CHTF18: variants seen among roughly 807,000 people sequenced by gnomAD.
The protein encoded by CHTF18 is chromosome transmission fidelity factor 18.
In CHTF18, 151 loss-of-function variants were observed where a neutral mutation model predicts 113.4. The ratio of observed to expected loss-of-function variants is 1.33; its 90% CI spans 1.17 to 1.52. CHTF18 has a LOEUF of 1.52. CHTF18 is among the 40% of genes most tolerant of loss of function. CHTF18 has a pLI of 0.00. For synonymous variants in CHTF18, 916 were observed against 598.8 expected, an observed-to-expected ratio of 1.53 and a Z score of -7.74; for missense variants, 1,982 against 1,381.6, an observed-to-expected ratio of 1.43 and a Z score of -6.89.
chr16:791,928 T>A lies in CHTF18; in HGVS notation c.1182T>A (p.Ser394=), dbSNP rs200430602. 2.1e-3 allele frequency: 3,377 copies of A among 1,609,370 alleles called. 6 individuals are homozygous for A. The highest frequency in any genetic ancestry group is 2.5e-3 in the Non-Finnish European group (2,994 of 1,178,526). ...AHVIARHAGY[S]VVEMNASDDR... is the part of the protein sequence containing the mutation. ...TGATTGCGCGTCACGCGGGGTACTC[T>A]GTGGTGGAGATGAACGCCAGGTGAG... is the stretch of plus-strand genomic sequence containing the variant. The change falls in exon 9 of 22, where the codon TCT becomes TCA. Residue 394 remains serine (S), a synonymous_variant. Coordinates refer to ENST00000262315, the MANE Select transcript of CHTF18 (RefSeq NM_022092.3).
At position 795,122 on chromosome 16, in the gene CHTF18, C is replaced by T. The variant is rs757351292; in HGVS notation, c.1951-10C>T. The T allele has an allele frequency of 7.5e-5, 116 of 1,537,984 alleles. No individual in the cohort carries two copies. The highest frequency in any genetic ancestry group is 1.4e-4 in the Admixed American group (7 of 50,716). On this transcript the variant is annotated splice_polypyrimidine_tract_variant and intron_variant, in intron 15 of 21. Transcript: ENST00000262315. Reference sequence around the variant, plus strand: ...TGGGCAGGAGCTCAGGGGTTGCCGGCCGCCTGCAGGGCTTGTTTGACAACT... The same window carrying T: ...TGGGCAGGAGCTCAGGGGTTGCCGGTCGCCTGCAGGGCTTGTTTGACAACT...
intron 11 of CHTF18, 27 bp from the exon 12 acceptor site, chr16:792,691 G>C (rs114568403): frequency 6.3e-7 from 1 of 1,578,388 alleles, no homozygotes. Context: ...CAACCCTGGG[G>C]TCCCTGGCCC....
Position 790,265 on chromosome 16 carries a change from G to C in CHTF18, c.695G>C (p.Gly232Ala), listed in dbSNP as rs1484994944. The C allele has an allele frequency of 1.7e-5, 27 of 1,607,274 alleles. No homozygotes were observed. The highest frequency in any genetic ancestry group is 2.3e-5 in the Non-Finnish European group (27 of 1,177,838). The change falls in exon 5 of 22, where the codon GGC becomes GCC. Residue 232 changes from glycine (G) to alanine (A), a missense_variant. Physicochemically the swap from Gly to Ala is moderately conservative, Grantham distance 60 (BLOSUM62 0). Transcript: ENST00000262315. ...SLASLKKQVDGERRERLLQEA... is the reference protein window; with the variant it reads ...SLASLKKQVDAERRERLLQEA... Reference sequence around the variant, plus strand: ...GCCTCCCTGAAGAAGCAGGTCGACGGCGAGGTAGGGGCTGCGGGTTTGCTG... The same window carrying C: ...GCCTCCCTGAAGAAGCAGGTCGACGCCGAGGTAGGGGCTGCGGGTTTGCTG...
Position 791,146 on chromosome 16 carries a change from C to A in CHTF18, c.895-15C>A. ...GTGCCCTCAGGCTGTGCTTCCCTTC[C>A]CGTCCTTCCCGCAGTTCACCAACCG... On this transcript the variant is annotated splice_polypyrimidine_tract_variant and intron_variant, in intron 7 of 21. Transcript: ENST00000262315. 2 of 1,603,722 alleles carry A rather than the reference C, an allele frequency of 1.2e-6. No homozygotes were observed. Among genetic ancestry groups the A allele is most frequent in the Non-Finnish European group, 8.5e-7 (1 of 1,176,200 alleles).
In CHTF18 at chr16:788,765, A is replaced by G; in HGVS notation, c.81A>G (p.Ala27=). 6.3e-7 allele frequency: 1 copy of G among 1,597,616 alleles called. No individual in the cohort carries two copies. Among genetic ancestry groups the G allele is most frequent in the Non-Finnish European group, 8.5e-7 (1 of 1,173,412 alleles). The change falls in exon 1 of 22, where the codon GCA becomes GCG. Residue 27 remains alanine (A), a synonymous_variant. Transcript: ENST00000262315. ...TCGCGGCCGAGCTGGAGGTGCTGGC[A>G]GAGCTGGAAGGTGGGGCGCGGCCCC... ...NQFAAELEVL[A]ELEGASTPSP... is the part of the protein sequence containing the mutation.
chr16:796,163 C>T (rs1012135581), intron 18 of CHTF18, 86 bp downstream of exon 18: 2 of 1,510,684 alleles, frequency 1.3e-6, no homozygotes, highest in Admixed American at 2.0e-5. Flanking sequence ...GGCCAGGAGT[C>T]TGAAAGCACG....
intron 7 of CHTF18, 112 bp from the exon 8 acceptor site, chr16:791,049 T>G: frequency 1.3e-6 from 2 of 1,492,954 alleles, no homozygotes; most frequent in Non-Finnish European, 1.8e-6. Context: ...GGGTGGCCAT[T>G]CATCCTGTGG....
chr16:791,697 G>T, intron 8 of CHTF18, 154 bp from the exon 9 acceptor site: 1 of 1,433,032 alleles, frequency 7.0e-7, no homozygotes, highest in Non-Finnish European at 9.1e-7. Context: ...CCATCTTGGT[G>T]TGTGAAAGTG....
rs764526584 is a variant in CHTF18, at chr16:790,358, G to T, written c.711G>T (p.Arg237=). 1.9e-5 allele frequency: 31 copies of T among 1,611,234 alleles called. No individual in the cohort carries two copies. Among genetic ancestry groups the T allele is most frequent in the Non-Finnish European group, 2.5e-5 (29 of 1,179,436 alleles). ...TGTTGTTTGCACAGCGGCGGGAGCG[G>T]CTGCTTCAGGAGGCCCAGAAGCTTT... The part of the protein sequence containing the change: ...KKQVDGERRE[R]LLQEAQKLSD... The change falls in exon 6 of 22, where the codon CGG becomes CGT. Residue 237 remains arginine, a synonymous_variant. Transcript: ENST00000262315.
intron 7 of CHTF18, chr16:790,902 C>A (rs1354621103): frequency 1.5e-5 from 21 of 1,432,394 alleles, no homozygotes; most frequent in Middle Eastern, 2.6e-4. Context: ...AGTCTCTGTT[C>A]CCTTTCCTAC....
chr16:790,248 G>A lies in CHTF18; in HGVS notation c.678G>A (p.Leu226=), dbSNP rs1413060820. Residue 226 remains leucine (L), a synonymous_variant, in exon 5 of 22, where the codon CTG becomes CTA. Transcript: ENST00000262315. ...LDLLGVSLAS[L]KKQVDGERRE... is the part of the protein sequence containing the mutation. Reference sequence around the variant, plus strand: ...TGCTGGGTGTGTCCTTAGCCTCCCTGAAGAAGCAGGTCGACGGCGAGGTAG... The same window carrying A: ...TGCTGGGTGTGTCCTTAGCCTCCCTAAAGAAGCAGGTCGACGGCGAGGTAG... The A allele has an allele frequency of 1.2e-6, 2 of 1,606,846 alleles. No individual in the cohort carries two copies. The highest frequency in any genetic ancestry group is 1.7e-5 in the Admixed American group (1 of 59,212).
At position 789,249 on chromosome 16, in the gene CHTF18, G is replaced by T. The variant is rs1192528202; in HGVS notation, c.326G>T (p.Arg109Met). Residue 109 changes from arginine to methionine, a missense_variant, in exon 3 of 22, where the codon AGG (arginine) becomes ATG (methionine). Arg to Met is a moderately conservative substitution (Grantham distance 91). Transcript: ENST00000262315. ...IKRPRLQVVKRLNFRSEEMEE... is the reference protein window; with the variant it reads ...IKRPRLQVVKMLNFRSEEMEE... ...CGGCCTAGGCTGCAGGTGGTCAAGA[G>T]GCTGAACTTCAGATCGGAGGAGATG... 1 of 1,557,782 alleles carries T rather than the reference G, an allele frequency of 6.4e-7. No homozygotes were observed. Among genetic ancestry groups the T allele is most frequent in the African/African-American group, 1.4e-5 (1 of 73,330 alleles).
At chr16:790,987 G>A in intron 7 of CHTF18, 174 bp from the exon 8 acceptor site, 1 of 1,451,548 alleles carries the variant, frequency 6.9e-7, no homozygotes. Context: ...CAGAGCCGTG[G>A]GGGTGGAGCC....
chr16:796,029 A>G lies in CHTF18; in HGVS notation c.2408A>G (p.Tyr803Cys). The G allele has an allele frequency of 1.9e-6, 3 of 1,606,048 alleles. No individual in the cohort carries two copies. Among genetic ancestry groups the G allele is most frequent in the Non-Finnish European group, 2.5e-6 (3 of 1,177,092 alleles). ...ACGATGCTCGCTTACAGCCTGACCT[A>G]CCGCCAGGAGCGCACGCCCGATGGC... ...VGTMLAYSLT[Y>C]RQERTPDGQY... The change falls in exon 18 of 22, where the codon TAC becomes TGC. Residue 803 changes from tyrosine (Y) to cysteine (C), a missense_variant. Physicochemically the swap from Tyr to Cys is radical, Grantham distance 194 (BLOSUM62 -2). Coordinates refer to ENST00000262315, the MANE Select transcript of CHTF18 (RefSeq NM_022092.3).
At chr16:796,109 G>T in intron 18 of CHTF18, 32 bp downstream of exon 18, 1 of 1,585,462 alleles carries the variant, frequency 6.3e-7, no homozygotes, top group East Asian at 2.3e-5. Context: ...GTGTGCTCCA[G>T]GGTCATGCTC....
chr16:789,981 A>C (rs1270612288), intron 4 of CHTF18, 196 bp from the exon 5 acceptor site: 1 of 1,534,770 alleles, frequency 6.5e-7, no homozygotes, highest in African/African-American at 1.4e-5. Flanking sequence ...CTTTCTCCTA[A>C]AGCTGCCCCC....
At position 797,848 on chromosome 16, in the gene CHTF18, C is replaced by T. The variant is rs1205367464; in HGVS notation, c.2801C>T (p.Ala934Val). 1.2e-6 allele frequency: 2 copies of T among 1,604,288 alleles called. No individual in the cohort carries two copies. The highest frequency in any genetic ancestry group is 2.2e-5 in the East Asian group (1 of 44,520). ...STAVPSAGDT[A>V]PEQDSVERRM... Reference sequence around the variant, plus strand: ...CCCTGTGGCCCCGCAGGGGACACGGCCCCGGAGCAGGACTCAGTGGAGCGG... The same window carrying T: ...CCCTGTGGCCCCGCAGGGGACACGGTCCCGGAGCAGGACTCAGTGGAGCGG... Residue 934 changes from alanine to valine, a missense_variant, in exon 22 of 22, where the codon GCC becomes GTC. Ala to Val is a moderately conservative substitution (Grantham distance 64). Coordinates refer to ENST00000262315, the MANE Select transcript of CHTF18 (RefSeq NM_022092.3).
At chr16:793,425 C>G (rs147617618) in intron 14 of CHTF18, among the ~76,000 whole-genome samples, 151 bp downstream of exon 14, 1 of 152,092 alleles carries the variant, frequency 6.6e-6, no homozygotes, top group Non-Finnish European at 1.5e-5. Context: ...CCCTCCTCAG[C>G]CTTTTCCTGG....
chr16:795,197 C>T lies in CHTF18; in HGVS notation c.2016C>T (p.Ala672=). Residue 672 remains alanine (A), a synonymous_variant, in exon 16 of 22, where the codon GCC becomes GCT. Coordinates refer to ENST00000262315, the MANE Select transcript of CHTF18 (RefSeq NM_022092.3). ...CCAGCCTGGGTGCTGTGTGTGTGGC[C>T]CTCGACTGGCTGGCCTTCGATGACC... ...RDSSLGAVCV[A]LDWLAFDDLL... 9 of 1,558,178 alleles carry T rather than the reference C, an allele frequency of 5.8e-6. No homozygotes were observed. Among genetic ancestry groups the T allele is most frequent in the Admixed American group, 1.9e-5 (1 of 52,708 alleles).
Sources: allele counts gnomAD v4.1 joint callset (sites outside exome capture counted in the v4.1 genomes callset), GRCh38; gene constraint gnomAD v4.1.1; transcripts MANE v1.5; gene names NCBI Gene and HGNC (gene_info 2026-07-23, HGNC 2026-07-21).